NEXN: variants seen among roughly 807,000 people sequenced by gnomAD.
NEXN encodes the protein nexilin.
A neutral mutation model predicts 92.6 loss-of-function variants in NEXN; 65 were observed. The ratio of observed to expected loss-of-function variants is 0.70; its 90% CI spans 0.57 to 0.86. The LOEUF (loss-of-function observed/expected upper bound fraction) is 0.86. Ranked by LOEUF, NEXN falls within the 40% of genes least tolerant of loss-of-function variation. The probability of loss-of-function intolerance (pLI) is 0.00; values close to 1 mark genes in which losing one functional copy is unlikely to be tolerated. For missense variants in NEXN, 778 were observed against 771.1 expected (o/e 1.01, Z -0.11); for synonymous variants, 254 against 242.5 (o/e 1.05, Z -0.44).
intron 11 of NEXN, chr1:77,941,822 A>G: frequency 3.5e-6 from 2 of 568,472 alleles, no homozygotes; most frequent in South Asian, 4.0e-5. Context: ...AAAAGTCTAT[A>G]ACTAAGAGAA....
intron 1 of NEXN, among the ~76,000 whole-genome samples, chr1:77,906,499 A>T (rs1316772794): frequency 6.6e-6 from 1 of 152,188 alleles, no homozygotes; most frequent in Non-Finnish European, 1.5e-5. Flanking sequence ...AAGCGCAAAA[A>T]GTTCTAGTAG....
intron 1 of NEXN, among the ~76,000 whole-genome samples, chr1:77,914,757 T>C (rs1648833290): frequency 6.6e-6 from 1 of 150,912 alleles, no homozygotes; most frequent in Non-Finnish European, 1.5e-5. Flanking sequence ...CTCAGGAGGC[T>C]GAGGCAGGAG....
intron 1 of NEXN, among the ~76,000 whole-genome samples, chr1:77,908,726 G>T (rs1648343249): frequency 1.3e-5 from 2 of 152,130 alleles, no homozygotes; most frequent in African/African-American, 2.4e-5. Context: ...ATGCTCACTG[G>T]CAGGGAAAGA....
chr1:77,898,408 G>A (rs1165228223), intron 1 of NEXN, among the ~76,000 whole-genome samples: 1 of 152,124 alleles, frequency 6.6e-6, no homozygotes, highest in Non-Finnish European at 1.5e-5. Flanking sequence ...CAAGCAATGG[G>A]GAAAGGATTC....
At chr1:77,934,705 C>T (rs1161530810) in intron 10 of NEXN, among the ~76,000 whole-genome samples, 4 of 152,142 alleles carry the variant, frequency 2.6e-5, no homozygotes, top group Non-Finnish European at 5.9e-5. Context: ...AGAATGGGGG[C>T]GTGTATTCGC....
chr1:77,905,282 G>A (rs1648032549), intron 1 of NEXN, among the ~76,000 whole-genome samples: 1 of 151,960 alleles, frequency 6.6e-6, no homozygotes, highest in African/African-American at 2.4e-5. Context: ...AATATAAGTG[G>A]CATGTTGTAT....
chr1:77,914,543 G>A (rs915382451), intron 1 of NEXN, among the ~76,000 whole-genome samples: 8 of 152,056 alleles, frequency 5.3e-5, no homozygotes, highest in Non-Finnish European at 1.0e-4. Context: ...AAATGTTAAT[G>A]AACTAAATGC....
rs143374289 is a variant in NEXN, at chr1:77,943,610, T to C, written c.*781T>C. 1 of 152,172 alleles carries C rather than the reference T, an allele frequency of 6.6e-6. No individual in the cohort carries two copies. The highest frequency in any genetic ancestry group is 1.9e-4 in the East Asian group (1 of 5,194). 9.4% of individuals were successfully genotyped at this position (152,172 alleles called of 1,614,324 possible). A position where few individuals can be genotyped will look rare whatever the true frequency, so the allele number is the denominator to read the frequency against. ...ATATATATTAAATTTATAAAGCAAA[T>C]TTATGTTGTGATCTTGCCTGAACAA... On this transcript the variant is annotated 3_prime_UTR_variant, in exon 13 of 13. Transcript: ENST00000334785.
intron 1 of NEXN, among the ~76,000 whole-genome samples, chr1:77,896,614 G>T (rs1035314124): frequency 1.3e-5 from 2 of 152,068 alleles, no homozygotes; most frequent in African/African-American, 4.8e-5. Flanking sequence ...ACAAAAATTA[G>T]CTGAGTGTGG....
At chr1:77,919,898 CTCT>C (rs1649287104) in intron 5 of NEXN, among the ~76,000 whole-genome samples, 1 of 150,086 alleles carries the variant, frequency 6.7e-6, no homozygotes, top group African/African-American at 2.5e-5. Context: ...CCGCACTGGC[CTCT>C]TTTTTTTTTT....
intron 11 of NEXN, 29 bp downstream of exon 11, chr1:77,936,073 A>G: frequency 6.9e-7 from 1 of 1,459,100 alleles, no homozygotes; most frequent in Non-Finnish European, 9.6e-7. Context: ...TAACATAGTT[A>G]TGGTACAGTA....
intron 1 of NEXN, among the ~76,000 whole-genome samples, chr1:77,896,201 T>A (rs1023789271): frequency 5.3e-5 from 8 of 151,998 alleles, no homozygotes; most frequent in Admixed American, 5.3e-4. Context: ...AATAAATAAG[T>A]TGTCGGCCAA....
intron 2 of NEXN, 64 bp downstream of exon 2, chr1:77,916,197 G>A: frequency 7.8e-7 from 1 of 1,288,586 alleles, no homozygotes; most frequent in Non-Finnish European, 1.1e-6. Flanking sequence ...TAGAATTGCT[G>A]AAAGGACAGT....
In NEXN at chr1:77,929,386, T is replaced by C; in HGVS notation, c.935T>C (p.Leu312Pro). 1 of 1,613,320 alleles carries C rather than the reference T, an allele frequency of 6.2e-7. No homozygotes were observed. Among genetic ancestry groups the C allele is most frequent in the African/African-American group, 1.3e-5 (1 of 74,768 alleles). Residue 312 changes from leucine to proline, a missense_variant, in exon 9 of 13, where the codon CTC becomes CCC. Around this residue, in one of 3 missense-constraint regions of NEXN, gnomAD observed 532 missense variants for 476.7 expected, o/e 1.12. Coordinates refer to ENST00000334785, the MANE Select transcript of NEXN (RefSeq NM_144573.4). ...FKGYRPGKLK[L>P]SFEEMERQRR... ...GGGTACCGCCCTGGTAAACTCAAAC[T>C]CAGTTTTGAAGAAATGGAAAGGCAA...
chr1:77,910,001 T>C (rs1285020842), intron 1 of NEXN, among the ~76,000 whole-genome samples: 2 of 152,214 alleles, frequency 1.3e-5, no homozygotes, highest in African/African-American at 4.8e-5. Flanking sequence ...TAATGCATTA[T>C]AACCAATTGG....
chr1:77,929,089 CTTAT>C lies in NEXN; in HGVS notation c.865-224_865-221del, dbSNP rs1036557245. 8.5e-5 allele frequency among the ~76,000 whole-genome samples: 13 copies of C among 152,246 alleles called. 1 individual carries two copies. Among genetic ancestry groups the C allele is most frequent in the African/African-American group, 2.6e-4 (11 of 41,554 alleles). On this transcript the variant is annotated intron_variant, in intron 8 of 12. Transcript: ENST00000334785. ...TTCAATTTTATCTATAGAAATTTGGCTTATTTGAGAAGTTTTATTTAACCTGAGT... is the reference window on the plus strand; with the variant it reads ...TTCAATTTTATCTATAGAAATTTGGCTTGAGAAGTTTTATTTAACCTGAGT...
At chr1:77,934,224 G>A (rs527392476) in intron 10 of NEXN, among the ~76,000 whole-genome samples, 1 of 152,084 alleles carries the variant, frequency 6.6e-6, no homozygotes, top group Non-Finnish European at 1.5e-5. Flanking sequence ...CGGCCAGGCT[G>A]ATCTCGAACT....
intron 1 of NEXN, among the ~76,000 whole-genome samples, chr1:77,909,720 T>G (rs1165342082): frequency 1.3e-5 from 2 of 152,142 alleles, no homozygotes; most frequent in Non-Finnish European, 2.9e-5. Flanking sequence ...TTATATTGTC[T>G]CCTTCCCATA....
chr1:77,935,946 T>C lies in NEXN; in HGVS notation c.1375T>C (p.Ser459Pro), dbSNP rs767709993. 3 of 1,613,910 alleles carry C rather than the reference T, an allele frequency of 1.9e-6. No individual in the cohort carries two copies. Among genetic ancestry groups the C allele is most frequent in the Non-Finnish European group, 2.5e-6 (3 of 1,179,944 alleles). ...CAAGTTTGAAAAAATTGGACAGTTG[T>C]CTGAAAAAGAAATACAGAAAAAAAT... Reference protein sequence around the residue: ...KSKFEKIGQLSEKEIQKKIEE... With the variant: ...KSKFEKIGQLPEKEIQKKIEE... Residue 459 changes from serine (S) to proline (P), a missense_variant, in exon 11 of 13, where the codon TCT (serine) becomes CCT (proline). Ser to Pro is a moderately conservative substitution (Grantham distance 74, BLOSUM62 -1). Transcript: ENST00000334785.
Sources: allele counts gnomAD v4.1 joint callset (sites outside exome capture counted in the v4.1 genomes callset), GRCh38; gene constraint gnomAD v4.1.1; regional missense constraint gnomAD v4.1.1; transcripts MANE v1.5; gene names NCBI Gene and HGNC (gene_info 2026-07-23, HGNC 2026-07-21).